PRDM16: variants seen among roughly 807,000 people sequenced by gnomAD.
PRDM16 encodes PR/SET domain 16, also known as histone-lysine N-methyltransferase PRDM16.
PRDM16 carries 23 observed loss-of-function variants against 110.6 expected under a neutral mutation model. That is an observed-to-expected ratio of 0.21 (90% CI 0.15 to 0.29). PRDM16 has a LOEUF of 0.29. Ranked by LOEUF, PRDM16 falls within the 10% of genes least tolerant of loss-of-function variation. The probability of loss-of-function intolerance (pLI) is 1.00; values close to 1 mark genes in which losing one functional copy is unlikely to be tolerated. For missense variants in PRDM16, 1,615 were observed against 1,794.3 expected (o/e 0.90, Z 1.81); for synonymous variants, 799 against 781.8 (o/e 1.02, Z -0.37).
intron 2 of PRDM16, among the ~76,000 whole-genome samples, chr1:3,219,818 C>T (rs1639113016): frequency 6.6e-6 from 1 of 152,182 alleles, no homozygotes; most frequent in Non-Finnish European, 1.5e-5. Flanking sequence ...ACCTCACGGG[C>T]GCTGTCTCCC....
rs1481057754 is a variant in PRDM16, at chr1:3,359,512, G to A, written c.439-25640G>A. Among the ~76,000 whole-genome samples the A allele has an allele frequency of 3.3e-5, 5 of 152,032 alleles. No homozygotes were observed. Among genetic ancestry groups the A allele is most frequent in the Non-Finnish European group, 7.4e-5 (5 of 68,020 alleles). On this transcript the variant is annotated intron_variant, in intron 3 of 16. Coordinates refer to ENST00000270722, the MANE Select transcript of PRDM16 (RefSeq NM_022114.4). This position sits in a 1 kb window ranked among gnomAD's most constrained non-coding sequence, Gnocchi z 4.3. ...GAATTGCGGCCCGGGAGCAGTGGCT[G>A]CAGCCTCCCGAGGTGAGCCTGTCTG...
chr1:3,371,816 G>A (rs1642913505), intron 3 of PRDM16, among the ~76,000 whole-genome samples: 1 of 152,240 alleles, frequency 6.6e-6, no homozygotes, highest in South Asian at 2.1e-4. Flanking sequence ...TTCTGGCTGT[G>A]CAAACTTGGG....
intron 1 of PRDM16, among the ~76,000 whole-genome samples, chr1:3,086,425 A>G (rs1203451913): frequency 6.6e-6 from 1 of 152,120 alleles, no homozygotes; most frequent in Non-Finnish European, 1.5e-5. Flanking sequence ...GCTGCTACCC[A>G]CATGCCCACC....
At chr1:3,199,691 G>A (rs1005814610) in intron 2 of PRDM16, among the ~76,000 whole-genome samples, 4 of 152,036 alleles carry the variant, frequency 2.6e-5, no homozygotes, top group African/African-American at 7.3e-5. Flanking sequence ...ATGAAGAATC[G>A]CTGGGGGCTG....
intron 3 of PRDM16, among the ~76,000 whole-genome samples, chr1:3,342,774 G>A (rs763897701): frequency 3.9e-5 from 6 of 152,160 alleles, no homozygotes; most frequent in East Asian, 1.9e-4. Flanking sequence ...TCTTTTGTTC[G>A]ACATGAGGAT....
At chr1:3,261,811 G>T (rs774875431) in intron 3 of PRDM16, among the ~76,000 whole-genome samples, 24 of 152,244 alleles carry the variant, frequency 1.6e-4, no homozygotes, top group Non-Finnish European at 2.8e-4. Flanking sequence ...TCCTGGCTCC[G>T]TTCAGAAACG....
intron 1 of PRDM16, among the ~76,000 whole-genome samples, chr1:3,114,275 C>T (rs961562070): frequency 8.2e-5 from 12 of 145,730 alleles, no homozygotes; most frequent in East Asian, 2.1e-4. Flanking sequence ...CGTACACACA[C>T]GCACACACGC....
At chr1:3,118,086 T>C (rs1643005743) in intron 1 of PRDM16, among the ~76,000 whole-genome samples, 1 of 151,534 alleles carries the variant, frequency 6.6e-6, no homozygotes, top group Admixed American at 6.6e-5. Context: ...TGCGTGCATG[T>C]GTATGTGTGT....
In PRDM16 at chr1:3,390,147, C is replaced by T. The variant is rs893542592; in HGVS notation, c.573+4861C>T. ...AGAAAACAAGAGCTTGGCGATGAAG[C>T]GCCTGCGGGGGGATGCGGGAGGCAG... On this transcript the variant is annotated intron_variant, in intron 4 of 16. Transcript: ENST00000270722. This position sits in a 1 kb window ranked among gnomAD's most constrained non-coding sequence, Gnocchi z 5.0. 3.2e-4 allele frequency among the ~76,000 whole-genome samples: 48 copies of T among 152,308 alleles called. No homozygotes were observed. Among genetic ancestry groups the T allele is most frequent in the African/African-American group, 1.1e-3 (47 of 41,576 alleles).
chr1:3,197,567 G>A (rs775069924), intron 2 of PRDM16, among the ~76,000 whole-genome samples: 2 of 152,252 alleles, frequency 1.3e-5, no homozygotes, highest in Admixed American at 6.5e-5. Context: ...GTAGGCCTAC[G>A]AGGGCGGCAG....
At chr1:3,240,292 T>C (rs1217430605) in intron 2 of PRDM16, among the ~76,000 whole-genome samples, 1 of 151,682 alleles carries the variant, frequency 6.6e-6, no homozygotes, top group Non-Finnish European at 1.5e-5. Flanking sequence ...GGTGTGCTTG[T>C]TGTCCCAGCT....
At chr1:3,202,440 G>C (rs1414833268) in intron 2 of PRDM16, among the ~76,000 whole-genome samples, 1 of 152,184 alleles carries the variant, frequency 6.6e-6, no homozygotes, top group Non-Finnish European at 1.5e-5. Flanking sequence ...TTTGCTGAGA[G>C]GCAGGGATGG....
rs1024524084 is a variant in PRDM16 at position 3,418,591 on chromosome 1, T to G, written c.2862-76T>G. 6.8e-6 allele frequency: 7 copies of G among 1,026,424 alleles called. No individual in the cohort carries two copies. The African/African-American group carries it at 1.1e-4, about 16-fold the overall frequency. 63.6% of individuals were successfully genotyped at this position (1,026,424 alleles called of 1,614,324 possible). On this transcript the variant is annotated intron_variant, in intron 11 of 16. Coordinates refer to ENST00000270722, the MANE Select transcript of PRDM16 (RefSeq NM_022114.4). ...AGGTGTGAGACCCCGAGCATTAGCT[T>G]GAAACCATTTCTGGGAAATGGCCAT...
chr1:3,140,776 C>T (rs1292605218), intron 1 of PRDM16, among the ~76,000 whole-genome samples: 1 of 152,248 alleles, frequency 6.6e-6, no homozygotes, highest in Non-Finnish European at 1.5e-5. Flanking sequence ...ACCCCCACAG[C>T]CCATGAGGGG....
intron 1 of PRDM16, among the ~76,000 whole-genome samples, chr1:3,146,685 A>C (rs1476307315): frequency 1.2e-5 from 1 of 80,066 alleles, no homozygotes; most frequent in Non-Finnish European, 2.4e-5. Context: ...GTGTGTGTGC[A>C]CGTGTGTTTG....
intron 4 of PRDM16, among the ~76,000 whole-genome samples, chr1:3,395,619 G>T (rs1391810592): frequency 6.6e-6 from 1 of 152,188 alleles, no homozygotes; most frequent in Non-Finnish European, 1.5e-5. Flanking sequence ...CGAAGACACA[G>T]GGTTCCTTGT....
intron 1 of PRDM16, among the ~76,000 whole-genome samples, chr1:3,115,066 G>C (rs1387607183): frequency 6.6e-6 from 1 of 152,246 alleles, no homozygotes; most frequent in African/African-American, 2.4e-5. Context: ...CCACAGTGTG[G>C]GCCTGGCCAG....
In PRDM16 at chr1:3,243,940, A is replaced by T; in HGVS notation, c.388-147A>T. ...AAGAAGGGATACCTGTGATCAATGG[A>T]ACCCTTCATTTCCTGCTGTGGAGAA... On this transcript the variant is annotated intron_variant, in intron 2 of 16. Coordinates refer to ENST00000270722, the MANE Select transcript of PRDM16 (RefSeq NM_022114.4). The surrounding 1 kb of genome is among the most constrained non-coding windows in gnomAD (Gnocchi z 5.5). 1 of 744,988 alleles carries T rather than the reference A, an allele frequency of 1.3e-6. No homozygotes were observed. The highest frequency in any genetic ancestry group is 2.6e-5 in the East Asian group (1 of 39,078). The allele number at this position is 744,988 out of a possible 1,614,324, so 46.1% of individuals were successfully genotyped here.
intron 3 of PRDM16, among the ~76,000 whole-genome samples, chr1:3,251,087 C>T (rs2100218170): frequency 6.6e-6 from 1 of 152,358 alleles, no homozygotes; most frequent in Middle Eastern, 3.4e-3. Flanking sequence ...GAAGGACACA[C>T]TCAGACGCTG....
Sources: allele counts gnomAD v4.1 joint callset (sites outside exome capture counted in the v4.1 genomes callset), GRCh38; gene constraint gnomAD v4.1.1; non-coding constraint Gnocchi (gnomAD v3.1); transcripts MANE v1.5; gene names NCBI Gene and HGNC (gene_info 2026-07-23, HGNC 2026-07-21).